Variants in GPR142 observed in about 807,000 individuals in gnomAD.
The protein encoded by GPR142 is G protein-coupled receptor 142, also known as G-protein coupled receptor 142 long form.
Under a neutral mutation model 10.6 loss-of-function variants are expected in GPR142, and 9 were observed. The ratio of observed to expected loss-of-function variants is 0.85; its 90% CI spans 0.51 to 1.48. GPR142 has a LOEUF of 1.48. Among genes scored for constraint, GPR142 ranks in the 40% most tolerant of loss-of-function variants. The probability of loss-of-function intolerance (pLI) is 0.00; values close to 1 mark genes in which losing one functional copy is unlikely to be tolerated. For synonymous variants in GPR142, 202 were observed against 221.2 expected (o/e 0.91, Z 0.77); for missense variants, 482 against 506.0 (o/e 0.95, Z 0.45).
chr17:74,370,459 C>T, intron 2 of GPR142, 62 bp from the exon 3 acceptor site: 2 of 1,539,004 alleles, frequency 1.3e-6, no homozygotes, highest in Non-Finnish European at 8.8e-7. Context: ...CAGGGCGGGG[C>T]TGCGCCCAGC....
chr17:74,369,503 C>T lies in GPR142; in HGVS notation c.-38C>T. On this transcript the variant is annotated 5_prime_UTR_variant, in exon 2 of 4. Transcript: ENST00000582579. ...TGCGTAAGGATCCTGGGGCAAACAA[C>T]CACTTGGAGAGCCAAGGGGTGAGAG... 1.3e-6 allele frequency: 2 copies of T among 1,559,112 alleles called. No homozygotes were observed. The highest frequency in any genetic ancestry group is 8.7e-7 in the Non-Finnish European group (1 of 1,150,812).
intron 3 of GPR142, among the ~76,000 whole-genome samples, 198 bp downstream of exon 3, chr17:74,370,877 A>G (rs894823303): frequency 5.3e-5 from 8 of 152,180 alleles, no homozygotes; most frequent in African/African-American, 1.9e-4. Context: ...GCTCACAGCT[A>G]AACCCAAGTT....
intron 1 of GPR142, among the ~76,000 whole-genome samples, chr17:74,368,839 A>ACCGGCTGCAGGCAGCCTCGT (rs1444502889): frequency 6.6e-6 from 1 of 152,140 alleles, no homozygotes; most frequent in Admixed American, 6.5e-5. Flanking sequence ...GTTTCCCAGC[A>ACCGGCTGCAGGCAGCCTCGT]CCGGCTGCAG....
Position 74,367,699 on chromosome 17 carries a change from G to C in GPR142, c.-169G>C, listed in dbSNP as rs2054991186. Reference sequence around the variant, plus strand: ...AGGTCTCCACAGGTCACAGGGGGAAGCTGGGACCTCCGAATAAGGCCATCC... The same window carrying C: ...AGGTCTCCACAGGTCACAGGGGGAACCTGGGACCTCCGAATAAGGCCATCC... On this transcript the variant is annotated 5_prime_UTR_variant, in exon 1 of 4. Transcript: ENST00000582579. 9.3e-6 allele frequency: 15 copies of C among 1,612,392 alleles called. No homozygotes were observed. Among genetic ancestry groups the C allele is most frequent in the Non-Finnish European group, 1.3e-5 (15 of 1,180,018 alleles).
chr17:74,370,498 C>T, intron 2 of GPR142, 23 bp from the exon 3 acceptor site: 1 of 1,593,352 alleles, frequency 6.3e-7, no homozygotes, highest in African/African-American at 1.3e-5. Context: ...GAGGCTCTGA[C>T]TCTGCCCATC....
At chr17:74,370,351 G>A (rs1008465149) in intron 2 of GPR142, among the ~76,000 whole-genome samples, 170 bp from the exon 3 acceptor site, 11 of 152,108 alleles carry the variant, frequency 7.2e-5, no homozygotes, top group African/African-American at 2.4e-4. Flanking sequence ...GGGGGTGAGG[G>A]TGGTCTTGGC....
chr17:74,372,410 A>G lies in GPR142; in HGVS notation c.935A>G (p.Asn312Ser), dbSNP rs761383914. The change falls in exon 4 of 4, where the codon AAT becomes AGT. Residue 312 changes from asparagine to serine, a missense_variant. Asn to Ser is a conservative substitution (Grantham distance 46, BLOSUM62 1). Transcript: ENST00000582579. ...GTCCACCTGGCCTTGGATGTGGCCA[A>G]TATGGTGGCCATGCTCCACACGGCA... Reference protein sequence around the residue: ...WRVHLALDVANMVAMLHTAAN... With the variant: ...WRVHLALDVASMVAMLHTAAN... 17 of 1,613,946 alleles carry G rather than the reference A, an allele frequency of 1.1e-5. No homozygotes were observed. Among genetic ancestry groups the G allele is most frequent in the Admixed American group, 8.3e-5 (5 of 60,014 alleles).
In GPR142 at chr17:74,370,691, GCTGGGGT is replaced by G; in HGVS notation, c.253+19_253+25del. The G allele has an allele frequency of 6.2e-7, 1 of 1,607,614 alleles. No homozygotes were observed. Among genetic ancestry groups the G allele is most frequent in the African/African-American group, 1.3e-5 (1 of 74,860 alleles). On this transcript the variant is annotated intron_variant, in intron 3 of 3. Transcript: ENST00000582579. Reference sequence around the variant, plus strand: ...CTTGGGGCTGCCTGGTGAGTGGGGAGCTGGGGTCTGGGGACTTGGGCTTGGCCAGAAA... The same window carrying G: ...CTTGGGGCTGCCTGGTGAGTGGGGAGCTGGGGACTTGGGCTTGGCCAGAAA...
chr17:74,370,460 T>G, intron 2 of GPR142, 61 bp from the exon 3 acceptor site: 1 of 1,530,206 alleles, frequency 6.5e-7, no homozygotes, highest in Non-Finnish European at 8.8e-7. Flanking sequence ...AGGGCGGGGC[T>G]GCGCCCAGCC....
Position 74,372,504 on chromosome 17 carries a change from T to C in GPR142, c.1029T>C (p.Asp343=), listed in dbSNP as rs1293606832. ...CCACTGTCCGACAGGTCATCCACGATGCCTACCTGCCCTGCACTTTGGCAT... is the reference window on the plus strand; with the variant it reads ...CCACTGTCCGACAGGTCATCCACGACGCCTACCTGCCCTGCACTTTGGCAT... ...FRATVRQVIH[D]AYLPCTLASQ... The change falls in exon 4 of 4, where the codon GAT becomes GAC. Residue 343 remains aspartate (D), a synonymous_variant. Transcript: ENST00000582579. 6.2e-7 allele frequency: 1 copy of C among 1,613,580 alleles called. No homozygotes were observed. Among genetic ancestry groups the C allele is most frequent in the Admixed American group, 1.7e-5 (1 of 60,036 alleles).
rs371103364 is a variant in GPR142 at position 74,371,311 on chromosome 17, C to T, written c.254-418C>T. The stretch of plus-strand genomic sequence containing the variant: ...AGCTGGGATTACAGGCATGCACCAC[C>T]GTGCCTGGCTAATTTGTATATTTTT... On this transcript the variant is annotated intron_variant, in intron 3 of 3. Transcript: ENST00000582579. 2.1e-3 allele frequency among the ~76,000 whole-genome samples: 316 copies of T among 152,214 alleles called. 5 individuals are homozygous for T. In the Middle Eastern group the frequency reaches 0.024, roughly 11 times the overall value.
intron 2 of GPR142, among the ~76,000 whole-genome samples, 196 bp downstream of exon 2, chr17:74,369,830 A>T (rs1190813308): frequency 6.6e-6 from 1 of 152,120 alleles, no homozygotes; most frequent in African/African-American, 2.4e-5. Context: ...GCTTCAGGGG[A>T]ACAGGGGCCA....
chr17:74,369,170 G>T (rs908783922), intron 1 of GPR142, among the ~76,000 whole-genome samples: 4 of 151,958 alleles, frequency 2.6e-5, no homozygotes, highest in African/African-American at 7.3e-5. Flanking sequence ...CTGAACACAG[G>T]CCAGCTCACA....
intron 2 of GPR142, 38 bp from the exon 3 acceptor site, chr17:74,370,483 G>C (rs766619832): frequency 1.3e-6 from 2 of 1,576,590 alleles, no homozygotes; most frequent in South Asian, 2.4e-5. Flanking sequence ...GTTAGAAATA[G>C]ACCAGAGGCT....
At position 74,369,491 on chromosome 17, in the gene GPR142, T is replaced by C; in HGVS notation, c.-50T>C. 6.4e-7 allele frequency: 1 copy of C among 1,557,594 alleles called. No individual in the cohort carries two copies. The highest frequency in any genetic ancestry group is 8.7e-7 in the Non-Finnish European group (1 of 1,150,032). ...AGGCTCAGTGTCTGCGTAAGGATCC[T>C]GGGGCAAACAACCACTTGGAGAGCC... On this transcript the variant is annotated 5_prime_UTR_variant, in exon 2 of 4. Coordinates refer to ENST00000582579, the MANE Select transcript of GPR142 (RefSeq NM_001331076.1).
intron 1 of GPR142, 29 bp downstream of exon 1, chr17:74,367,823 C>CA: frequency 2.6e-6 from 4 of 1,551,686 alleles, no homozygotes; most frequent in Non-Finnish European, 3.5e-6. Context: ...GTGCATGGGG[C>CA]ATCATTGTAG....
chr17:74,372,475 C>G lies in GPR142; in HGVS notation c.1000C>G (p.Arg334Gly). The G allele has an allele frequency of 6.2e-7, 1 of 1,613,846 alleles. No individual in the cohort carries two copies. The highest frequency in any genetic ancestry group is 8.5e-7 in the Non-Finnish European group (1 of 1,180,054). Residue 334 changes from arginine to glycine, a missense_variant, in exon 4 of 4, where the codon CGG becomes GGG. Transcript: ENST00000582579. ...CTACTGCTTTGTCAGCAAGACTTTCCGGGCCACTGTCCGACAGGTCATCCA... is the reference window on the plus strand; with the variant it reads ...CTACTGCTTTGTCAGCAAGACTTTCGGGGCCACTGTCCGACAGGTCATCCA... ...GLYCFVSKTFRATVRQVIHDA... is the reference protein window; with the variant it reads ...GLYCFVSKTFGATVRQVIHDA...
chr17:74,371,486 ATGTGCACTTACC>A (rs1259868706), intron 3 of GPR142, among the ~76,000 whole-genome samples: 9 of 132,072 alleles, frequency 6.8e-5, no homozygotes, highest in African/African-American at 2.1e-4. Flanking sequence ...GGACCCTTCC[ATGTGCACTTACC>A]TGTGCATAAC....
At position 74,369,653 on chromosome 17, in the gene GPR142, G is replaced by A. The variant is rs761791199; in HGVS notation, c.94+19G>A. ...GAGACAGGTAAGGCATCTTGAAGTG[G>A]GGTGTGCTGGGGGCAATAAGGTGGA... is the stretch of plus-strand genomic sequence containing the variant. On this transcript the variant is annotated intron_variant, in intron 2 of 3. Transcript: ENST00000582579. 1 of 1,537,212 alleles carries A rather than the reference G, an allele frequency of 6.5e-7. No individual in the cohort carries two copies. The highest frequency in any genetic ancestry group is 8.7e-7 in the Non-Finnish European group (1 of 1,143,236).
Sources: allele counts gnomAD v4.1 joint callset (sites outside exome capture counted in the v4.1 genomes callset), GRCh38; gene constraint gnomAD v4.1.1; transcripts MANE v1.5; gene names NCBI Gene and HGNC (gene_info 2026-07-23, HGNC 2026-07-21).